CD86: variants seen among roughly 807,000 people sequenced by gnomAD.
CD86 encodes the protein T-lymphocyte activation antigen CD86.
CD86 carries 11 observed loss-of-function variants against 32.1 expected under a neutral mutation model. The observed-to-expected ratio is 0.34, with a 90% CI of 0.22 to 0.57. The LOEUF (loss-of-function observed/expected upper bound fraction) is 0.57, where lower values mean the gene tolerates loss of function less well. Ranked by LOEUF, CD86 falls within the 20% of genes least tolerant of loss-of-function variation. The probability of loss-of-function intolerance (pLI) is 0.86; values close to 1 mark genes in which losing one functional copy is unlikely to be tolerated. For missense variants in CD86, 359 were observed against 398.4 expected (o/e 0.90, Z 0.84); for synonymous variants, 137 against 135.3 (o/e 1.01, Z -0.09).
chr3:122,075,462 T>C (rs1224916728), intron 1 of CD86, among the ~76,000 whole-genome samples: 1 of 152,224 alleles, frequency 6.6e-6, no homozygotes, highest in Non-Finnish European at 1.5e-5. Flanking sequence ...CTGGTACTTA[T>C]GGATTGGAGG....
intron 2 of CD86, among the ~76,000 whole-genome samples, chr3:122,099,823 G>C (rs2072968798): frequency 6.6e-6 from 1 of 152,180 alleles, no homozygotes; most frequent in South Asian, 2.1e-4. Flanking sequence ...ACAGGGGCTG[G>C]TGGCTATCAT....
At chr3:122,091,055 C>T (rs78726365) in intron 1 of CD86, among the ~76,000 whole-genome samples, 18,948 of 152,184 alleles carry the variant, frequency 0.12, 1,238 homozygotes, top group South Asian at 0.22. Flanking sequence ...CAATACTAAC[C>T]GATTGCCCCC....
chr3:122,102,959 C>A (rs2073034005), intron 2 of CD86, among the ~76,000 whole-genome samples: 1 of 152,078 alleles, frequency 6.6e-6, no homozygotes, highest in Non-Finnish European at 1.5e-5. Context: ...CAACGTGATT[C>A]CCCAACTAAT....
At position 122,055,497 on chromosome 3, in the gene CD86, C is replaced by T. The variant is rs141814734; in HGVS notation, c.8C>T (p.Pro3Leu). 2.5e-6 allele frequency: 4 copies of T among 1,613,882 alleles called. No homozygotes were observed. In the South Asian group the frequency reaches 3.3e-5, roughly 13 times the overall value. Reference protein sequence around the residue: MDPQCTMGLSNIL... With the variant: MDLQCTMGLSNIL... The stretch of plus-strand genomic sequence containing the variant: ...ACAGCAGAAGCAGCCAAAATGGATC[C>T]CCAGTGGTGAGTAATAATTCTTATT... The change falls in exon 1 of 7, where the codon CCC becomes CTC. Residue 3 changes from proline (P) to leucine (L), a missense_variant. Transcript: ENST00000330540.
intron 1 of CD86, among the ~76,000 whole-genome samples, chr3:122,059,337 A>G (rs2107495830): frequency 6.6e-6 from 1 of 152,272 alleles, no homozygotes; most frequent in African/African-American, 2.4e-5. Context: ...AAGAATCTAC[A>G]ATAGATACTA....
At chr3:122,065,647 A>ATGCAG (rs2072402371) in intron 1 of CD86, among the ~76,000 whole-genome samples, 1 of 152,190 alleles carries the variant, frequency 6.6e-6, no homozygotes, top group Middle Eastern at 3.2e-3. Context: ...CAGATGCTTG[A>ATGCAG]ATCTAAGAGC....
chr3:122,101,512 AAATATATATATATATAT>A (rs1313061731), intron 2 of CD86, among the ~76,000 whole-genome samples: 1 of 26,750 alleles, frequency 3.7e-5, no homozygotes, highest in African/African-American at 1.0e-4. Context: ...AAAAAAAAAA[AAATATATATATATATAT>A]ATATATATAT....
Position 122,084,081 on chromosome 3 carries a change from G to A in CD86, c.15-7520G>A, listed in dbSNP as rs777670166. Among the ~76,000 whole-genome samples the A allele has an allele frequency of 5.3e-5, 8 of 152,156 alleles. No individual in the cohort carries two copies. The East Asian group carries it at 9.6e-4, about 18-fold the overall frequency. On this transcript the variant is annotated intron_variant, in intron 1 of 6. Coordinates refer to ENST00000330540, the MANE Select transcript of CD86 (RefSeq NM_175862.5). ...TGCTCATCGCAAGCTCTGCCTCCCAGGTTCAAGTGATTCTCCTGCCTCAGC... is the reference window on the plus strand; with the variant it reads ...TGCTCATCGCAAGCTCTGCCTCCCAAGTTCAAGTGATTCTCCTGCCTCAGC...
chr3:122,097,313 G>A (rs941330421), intron 2 of CD86, among the ~76,000 whole-genome samples: 1 of 152,220 alleles, frequency 6.6e-6, no homozygotes. Context: ...CAAAGCCCCT[G>A]CTGTCATGGA....
rs1022448286 is a variant in CD86, at chr3:122,119,816, C to T, written c.*282C>T. 3.4e-5 allele frequency: 9 copies of T among 262,880 alleles called. No homozygotes were observed. Among genetic ancestry groups the T allele is most frequent in the African/African-American group, 2.0e-4 (9 of 45,046 alleles). The allele number at this position is 262,880 out of a possible 1,614,324, so 16.3% of individuals were successfully genotyped here. A position where few individuals can be genotyped will look rare whatever the true frequency, so the allele number is the denominator to read the frequency against. ...ATGACCTGGAAATAAAATTTAGGACCAATACCTCCTCCAGATCAGATTCTT... is the reference window on the plus strand; with the variant it reads ...ATGACCTGGAAATAAAATTTAGGACTAATACCTCCTCCAGATCAGATTCTT... On this transcript the variant is annotated 3_prime_UTR_variant, in exon 7 of 7. Transcript: ENST00000330540.
chr3:122,086,343 C>G (rs898012327), intron 1 of CD86, among the ~76,000 whole-genome samples: 1 of 151,214 alleles, frequency 6.6e-6, no homozygotes, highest in African/African-American at 2.4e-5. Context: ...TACTGTGGAC[C>G]CCTCCTCTCA....
chr3:122,109,013 G>T (rs1324204144), intron 4 of CD86, among the ~76,000 whole-genome samples: 1 of 152,052 alleles, frequency 6.6e-6, no homozygotes, highest in Non-Finnish European at 1.5e-5. Context: ...GATCATGGTC[G>T]GTGTTATCCC....
chr3:122,056,396 G>A (rs2715263), intron 1 of CD86, among the ~76,000 whole-genome samples: 4,125 of 152,200 alleles, frequency 0.027, 89 homozygotes, highest in Non-Finnish European at 0.044. Context: ...GTGCAGTGGC[G>A]CAATCTCAGC....
At chr3:122,070,818 A>G (rs1417794253) in intron 1 of CD86, among the ~76,000 whole-genome samples, 1 of 152,226 alleles carries the variant, frequency 6.6e-6, no homozygotes, top group Non-Finnish European at 1.5e-5. Context: ...GGTGCAACAT[A>G]GGGAAGTGAA....
At chr3:122,088,650 A>T (rs983407483) in intron 1 of CD86, among the ~76,000 whole-genome samples, 2 of 152,218 alleles carry the variant, frequency 1.3e-5, no homozygotes, top group African/African-American at 4.8e-5. Flanking sequence ...ACAGCAACCT[A>T]CTTATCACAG....
chr3:122,095,787 C>G (rs1205531378), intron 2 of CD86, among the ~76,000 whole-genome samples: 2 of 152,052 alleles, frequency 1.3e-5, no homozygotes, highest in South Asian at 4.2e-4. Flanking sequence ...ATCTTACCCC[C>G]AAATTAGTTG....
intron 1 of CD86, among the ~76,000 whole-genome samples, chr3:122,059,185 A>G (rs34647267): frequency 0.1 from 15,631 of 152,206 alleles, 833 homozygotes; most frequent in African/African-American, 0.14. Flanking sequence ...TGGAATGCAC[A>G]TGAAGAGTCT....
intron 1 of CD86, among the ~76,000 whole-genome samples, chr3:122,060,825 G>C (rs1416086344): frequency 2.0e-5 from 3 of 152,030 alleles, no homozygotes; most frequent in African/African-American, 7.2e-5. Flanking sequence ...GAGATTTGAG[G>C]CTTCGCAGAG....
chr3:122,068,180 C>T (rs2107504724), intron 1 of CD86, among the ~76,000 whole-genome samples: 1 of 151,716 alleles, frequency 6.6e-6, no homozygotes, highest in East Asian at 1.9e-4. Context: ...TTCTATATAC[C>T]CCAATCTATT....
Sources: gnomAD v4.1 joint callset for allele counts (sites outside exome capture counted in the v4.1 genomes callset) on GRCh38, gnomAD v4.1.1 for gene constraint, MANE v1.5 for transcripts, NCBI Gene and HGNC (gene_info 2026-07-23, HGNC 2026-07-21) for gene names.